The following DOCK4 variants were observed in gnomAD, a reference collection of about 807,000 sequenced individuals.
DOCK4 encodes dedicator of cytokinesis protein 4.
DOCK4 carries 97 observed loss-of-function variants against 268.1 expected under a neutral mutation model. That is an observed-to-expected ratio of 0.36 (90% CI 0.31 to 0.43). The LOEUF (loss-of-function observed/expected upper bound fraction) is 0.43. DOCK4 is among the 20% of genes least tolerant of loss of function. The probability of loss-of-function intolerance (pLI) is 1.00; values close to 1 mark genes in which losing one functional copy is unlikely to be tolerated. For synonymous variants in DOCK4, 954 were observed against 887.2 expected, an observed-to-expected ratio of 1.08 and a Z score of -1.34; for missense variants, 2,145 against 2,455.7, an observed-to-expected ratio of 0.87 and a Z score of 2.67.
At chr7:111,803,253 G>A (rs1452534806) in intron 30 of DOCK4, among the ~76,000 whole-genome samples, 2 of 152,168 alleles carry the variant, frequency 1.3e-5, no homozygotes, top group Non-Finnish European at 2.9e-5. Context: ...TTGGGAACAC[G>A]GAATCTGCAA....
chr7:111,787,651 TTAA>T (rs1799268524), intron 32 of DOCK4, among the ~76,000 whole-genome samples: 1 of 152,188 alleles, frequency 6.6e-6, no homozygotes, highest in Non-Finnish European at 1.5e-5. Flanking sequence ...AGCCTATATA[TTAA>T]TGTTTCTACT....
At chr7:112,023,234 C>G (rs572742415) in intron 1 of DOCK4, among the ~76,000 whole-genome samples, 3 of 152,242 alleles carry the variant, frequency 2.0e-5, no homozygotes, top group East Asian at 3.9e-4. Context: ...AGCTGAGAAG[C>G]CTTTTCTACG....
chr7:111,864,246 A>C (rs1351758214), intron 22 of DOCK4, among the ~76,000 whole-genome samples: 1 of 151,722 alleles, frequency 6.6e-6, no homozygotes, highest in East Asian at 1.9e-4. Context: ...TTTTATGTAA[A>C]AAAAAAAAAA....
chr7:111,869,778 C>T, intron 20 of DOCK4, 123 bp from the exon 21 acceptor site: 1 of 738,924 alleles, frequency 1.4e-6, no homozygotes. Flanking sequence ...TCACATTTTC[C>T]TGTCAATCTG....
intron 12 of DOCK4, among the ~76,000 whole-genome samples, chr7:111,924,036 C>T (rs149942137): frequency 3.0e-4 from 45 of 152,180 alleles, no homozygotes; most frequent in African/African-American, 9.9e-4. Context: ...CCTTGAGTAA[C>T]GCTGAAATAT....
chr7:112,046,743 G>T (rs908883878), intron 1 of DOCK4, among the ~76,000 whole-genome samples: 2 of 152,162 alleles, frequency 1.3e-5, no homozygotes, highest in Admixed American at 1.3e-4. Flanking sequence ...CATGTTCCTT[G>T]AGAGAGGGGC....
intron 25 of DOCK4, among the ~76,000 whole-genome samples, chr7:111,837,237 G>A (rs140413523): frequency 6.6e-6 from 1 of 152,014 alleles, no homozygotes; most frequent in African/African-American, 2.4e-5. Flanking sequence ...AACAGCTTCA[G>A]AGAACTAAAA....
At chr7:112,009,641 C>T (rs531884978) in intron 1 of DOCK4, among the ~76,000 whole-genome samples, 17 of 152,126 alleles carry the variant, frequency 1.1e-4, no homozygotes, top group African/African-American at 2.4e-4. Flanking sequence ...ATTTCACATT[C>T]GGCTCTGGCG....
chr7:112,069,597 C>A (rs1192832766), intron 1 of DOCK4, among the ~76,000 whole-genome samples: 1 of 152,122 alleles, frequency 6.6e-6, no homozygotes, highest in Non-Finnish European at 1.5e-5. Flanking sequence ...ATATACAGTA[C>A]AAAGAGCCTC....
intron 1 of DOCK4, among the ~76,000 whole-genome samples, chr7:112,162,931 T>C (rs944337974): frequency 1.3e-5 from 2 of 152,192 alleles, no homozygotes; most frequent in Non-Finnish European, 2.9e-5. Context: ...AGACACTTCT[T>C]TGTAACAGAT....
intron 1 of DOCK4, among the ~76,000 whole-genome samples, chr7:112,200,732 A>AAAAAC (rs1554478902): frequency 9.8e-4 from 114 of 116,650 alleles, no homozygotes; most frequent in African/African-American, 3.4e-3. Flanking sequence ...AAATAAAAAA[A>AAAAAC]AAAAAACAAA....
intron 12 of DOCK4, among the ~76,000 whole-genome samples, chr7:111,934,523 G>GTTTTTGTTTTT (rs1562907282): frequency 2.0e-4 from 17 of 83,836 alleles, no homozygotes; most frequent in African/African-American, 6.8e-4. Context: ...TTTTGTTTTT[G>GTTTTTGTTTTT]TTTTTTTTTT....
chr7:112,124,589 G>T (rs1034485184), intron 1 of DOCK4, among the ~76,000 whole-genome samples: 9 of 152,146 alleles, frequency 5.9e-5, no homozygotes, highest in African/African-American at 2.2e-4. Flanking sequence ...AGTGAAGAGA[G>T]GCCTACCCAC....
Position 111,983,730 on chromosome 7 carries a change from C to T in DOCK4, c.549+576G>A, listed in dbSNP as rs1798782456. 2.0e-5 allele frequency among the ~76,000 whole-genome samples: 3 copies of T among 151,888 alleles called. No individual in the cohort carries two copies. The South Asian group carries it at 6.2e-4, about 31-fold the overall frequency. On this transcript the variant is annotated intron_variant, in intron 7 of 52. Coordinates refer to ENST00000428084, the MANE Select transcript of DOCK4 (RefSeq NM_001363540.2). ...TTAGGATGATTCACGGGCTTCAGTA[C>T]TTAGGAATGGATTGGGGTCTGGGAA...
chr7:111,877,107 T>C lies in DOCK4; in HGVS notation c.1667A>G (p.Asn556Ser), dbSNP rs1806956816. ...PFSKGIFLGN[N>S]NQAMKATKES... ...CTTTGTGGCCTTCATGGCTTGATTA[T>C]TATTCCCAAGGAAAATGCCCTTGGA... Residue 556 changes from asparagine to serine, a missense_variant, in exon 17 of 53, where the codon AAT becomes AGT. Around this residue, in one of 2 missense-constraint regions of DOCK4, gnomAD observed 1,598 missense variants for 1,986.7 expected, o/e 0.80. Transcript: ENST00000428084. 6.3e-7 allele frequency: 1 copy of C among 1,594,330 alleles called. No individual in the cohort carries two copies. Among genetic ancestry groups the C allele is most frequent in the East Asian group, 2.3e-5 (1 of 43,730 alleles).
At chr7:111,753,792 C>T (rs1414650120) in intron 42 of DOCK4, among the ~76,000 whole-genome samples, 3 of 152,128 alleles carry the variant, frequency 2.0e-5, no homozygotes, top group African/African-American at 7.2e-5. Flanking sequence ...GCAGCAAGAA[C>T]AAGAGAAAAA....
chr7:111,934,720 T>TA (rs1554381728), intron 12 of DOCK4, among the ~76,000 whole-genome samples: 5 of 148,560 alleles, frequency 3.4e-5, no homozygotes, highest in Admixed American at 6.7e-5. Context: ...TTTTTTTTTT[T>TA]AGTAGAGATG....
At chr7:111,813,585 T>C (rs1348136316) in intron 27 of DOCK4, among the ~76,000 whole-genome samples, 1 of 152,206 alleles carries the variant, frequency 6.6e-6, no homozygotes, top group Non-Finnish European at 1.5e-5. Flanking sequence ...ACATATGTCA[T>C]ATGTACCTTT....
At chr7:111,861,422 A>G (rs1264858327) in intron 23 of DOCK4, among the ~76,000 whole-genome samples, 4 of 152,142 alleles carry the variant, frequency 2.6e-5, no homozygotes, top group Non-Finnish European at 5.9e-5. Flanking sequence ...AATGAAGTAG[A>G]GCTATATCTA....
Sources: gnomAD v4.1 joint callset for allele counts (sites outside exome capture counted in the v4.1 genomes callset) on GRCh38, gnomAD v4.1.1 for gene constraint, gnomAD v4.1.1 regional missense constraint, MANE v1.5 for transcripts, NCBI Gene and HGNC (gene_info 2026-07-23, HGNC 2026-07-21) for gene names.